The following KANSL2 variants were observed in gnomAD, a reference collection of about 807,000 sequenced individuals.
KANSL2 encodes NSL complex protein NSL2.
KANSL2 carries 34 observed loss-of-function variants against 55.6 expected under a neutral mutation model. The observed-to-expected ratio is 0.61, with a 90% confidence interval of 0.46 to 0.81. The LOEUF is 0.81. Among genes scored for constraint, KANSL2 ranks in the 40% least tolerant of loss-of-function variants. The pLI is 0.00. For synonymous variants in KANSL2, 209 were observed against 214.3 expected (o/e 0.98, Z 0.22); for missense variants, 502 against 609.9 (o/e 0.82, Z 1.86).
intron 7 of KANSL2, among the ~76,000 whole-genome samples, chr12:48,667,223 C>T (rs1939617939): frequency 6.6e-6 from 1 of 152,032 alleles, no homozygotes; most frequent in East Asian, 1.9e-4. Context: ...GAAGTGAGGG[C>T]CCTAACCACA....
chr12:48,680,643 T>G (rs1939904964), intron 2 of KANSL2, among the ~76,000 whole-genome samples: 1 of 152,082 alleles, frequency 6.6e-6, no homozygotes, highest in African/African-American at 2.4e-5. Context: ...TTAACAAAAT[T>G]CATGGACAGC....
In KANSL2 at chr12:48,679,933, T is replaced by C; in HGVS notation, c.252-100A>G. ...TTAAATCATTTTTAGGGAATTAAAA[T>C]GACTATTACATTCATTTCTAAAAAT... On this transcript the variant is annotated intron_variant, in intron 2 of 9. Transcript: ENST00000420613. The C allele has an allele frequency of 6.7e-6, 7 of 1,050,218 alleles. No homozygotes were observed. In the South Asian group the frequency reaches 1.1e-4, roughly 16 times the overall value. 65.1% of individuals were successfully genotyped at this position (1,050,218 alleles called of 1,614,324 possible).
Position 48,653,384 on chromosome 12 carries a change from T to C in KANSL2, c.*660A>G, listed in dbSNP as rs1939319213. On this transcript the variant is annotated 3_prime_UTR_variant, in exon 10 of 10. Transcript: ENST00000420613. ...CCCCAAAACCGCGAAAAAGAAACTA[T>C]ATTCTCAAACAAAACATGCATTCAA... 1 of 152,646 alleles carries C rather than the reference T, an allele frequency of 6.6e-6. No individual in the cohort carries two copies. The highest frequency in any genetic ancestry group is 2.1e-4 in the South Asian group (1 of 4,832). 9.5% of individuals were successfully genotyped at this position (152,646 alleles called of 1,614,324 possible). A position where few individuals can be genotyped will look rare whatever the true frequency, so the allele number is the denominator to read the frequency against.
At chr12:48,667,601 C>T (rs1939625742) in intron 7 of KANSL2, 92 bp downstream of exon 7, 1 of 1,055,180 alleles carries the variant, frequency 9.5e-7, no homozygotes, top group Admixed American at 1.7e-5. Context: ...CAAAGGAAAA[C>T]AAAATCCTTC....
At chr12:48,668,708 A>T (rs1207557704) in intron 6 of KANSL2, among the ~76,000 whole-genome samples, 1 of 152,152 alleles carries the variant, frequency 6.6e-6, no homozygotes, top group East Asian at 1.9e-4. Flanking sequence ...TCAAAAAAAG[A>T]CTGGACATAG....
chr12:48,654,575 T>A (rs1437183140), intron 9 of KANSL2: 1 of 585,264 alleles, frequency 1.7e-6, no homozygotes, highest in African/African-American at 1.8e-5. Context: ...TTACTGGTCC[T>A]TCTACAATGA....
chr12:48,662,455 A>G (rs1939505555), intron 7 of KANSL2: 3 of 1,080,204 alleles, frequency 2.8e-6, no homozygotes, highest in South Asian at 2.1e-5. Context: ...TCTCTTATGT[A>G]TTTAATACCA....
chr12:48,672,424 TATA>T (rs1939739273), intron 4 of KANSL2, among the ~76,000 whole-genome samples: 2 of 112,462 alleles, frequency 1.8e-5, no homozygotes, highest in African/African-American at 3.7e-5. Flanking sequence ...TATATATATA[TATA>T]TATATATTTT....
intron 7 of KANSL2, among the ~76,000 whole-genome samples, chr12:48,662,136 GCT>G (rs1481266780): frequency 2.0e-5 from 3 of 152,050 alleles, no homozygotes; most frequent in Admixed American, 1.3e-4. Flanking sequence ...ACGAAGTCTC[GCT>G]CTGTCACCCA....
In KANSL2 at chr12:48,669,396, C is replaced by T. The variant is rs1367641454; in HGVS notation, c.710-124G>A. Reference sequence around the variant, plus strand: ...GGCAGTTTCAAAAGCAAATGACCCCCAATCCAGGTACCAAGACAGAAATAA... The same window carrying T: ...GGCAGTTTCAAAAGCAAATGACCCCTAATCCAGGTACCAAGACAGAAATAA... On this transcript the variant is annotated intron_variant, in intron 5 of 9. Transcript: ENST00000420613. 6.1e-6 allele frequency: 4 copies of T among 654,970 alleles called. No individual in the cohort carries two copies. In the East Asian group the frequency reaches 8.4e-5, roughly 14 times the overall value. 40.6% of individuals were successfully genotyped at this position (654,970 alleles called of 1,614,324 possible).
At chr12:48,682,120 G>C in intron 1 of KANSL2, 67 bp downstream of exon 1, 2 of 702,970 alleles carry the variant, frequency 2.8e-6, no homozygotes, top group Non-Finnish European at 2.6e-6. Flanking sequence ...GCAGCTCTGA[G>C]CTGACAAAAA....
At chr12:48,670,138 T>G (rs369732358) in intron 5 of KANSL2, among the ~76,000 whole-genome samples, 143 of 149,638 alleles carry the variant, frequency 9.6e-4, no homozygotes, top group African/African-American at 3.4e-3. Flanking sequence ...GAGGTGGAGG[T>G]TGCAGTGAGC....
intron 4 of KANSL2, among the ~76,000 whole-genome samples, chr12:48,677,863 A>G (rs1001535698): frequency 1.3e-5 from 2 of 152,068 alleles, no homozygotes; most frequent in African/African-American, 2.4e-5. Flanking sequence ...CTGCAAGAGA[A>G]CAGTCATTCC....
chr12:48,670,997 C>A (rs187050750), intron 5 of KANSL2, among the ~76,000 whole-genome samples: 1 of 152,172 alleles, frequency 6.6e-6, no homozygotes, highest in Admixed American at 6.5e-5. Context: ...GGCGCAGTGG[C>A]TCATGCCTGA....
intron 4 of KANSL2, 53 bp downstream of exon 4, chr12:48,678,983 A>C (rs1237528513): frequency 2.4e-6 from 3 of 1,262,746 alleles, no homozygotes; most frequent in Non-Finnish European, 3.5e-6. Context: ...ATGCAGCACT[A>C]CATTCCACAT....
At chr12:48,654,515 C>A in intron 9 of KANSL2, 1 of 628,074 alleles carries the variant, frequency 1.6e-6, no homozygotes, top group Non-Finnish European at 3.1e-6. Context: ...TCAGTCAGGG[C>A]CACTGGAATT....
chr12:48,680,851 G>A (rs12830014), intron 2 of KANSL2, among the ~76,000 whole-genome samples: 10,192 of 151,880 alleles, frequency 0.067, 440 homozygotes, highest in Non-Finnish European at 0.095. Context: ...AGTGGCGCAC[G>A]CCTTAAGTCC....
At chr12:48,663,281 GC>G (rs2137182648) in intron 7 of KANSL2, among the ~76,000 whole-genome samples, 1 of 152,092 alleles carries the variant, frequency 6.6e-6, no homozygotes, top group African/African-American at 2.4e-5. Flanking sequence ...TTTCCAAAAA[GC>G]TTTTATCTAT....
chr12:48,681,752 G>A (rs1444985749), intron 1 of KANSL2, 111 bp from the exon 2 acceptor site: 25 of 1,375,916 alleles, frequency 1.8e-5, no homozygotes, highest in Non-Finnish European at 2.0e-6. Context: ...TCCCCGTAAG[G>A]TACGCTCCGT....
Sources: allele counts gnomAD v4.1 joint callset (sites outside exome capture counted in the v4.1 genomes callset), GRCh38; gene constraint gnomAD v4.1.1; transcripts MANE v1.5; gene names NCBI Gene and HGNC (gene_info 2026-07-23, HGNC 2026-07-21).